Variants in ZNF268 observed in about 807,000 individuals in gnomAD.
ZNF268 encodes zinc finger protein 3.
Under a neutral mutation model 29.3 loss-of-function variants are expected in ZNF268, and 20 were observed. The observed-to-expected ratio is 0.68, with a 90% CI of 0.48 to 0.99. The LOEUF (loss-of-function observed/expected upper bound fraction) is 0.99. Ranked by LOEUF, ZNF268 falls within the 50% of genes least tolerant of loss-of-function variation. The pLI is 0.00. For synonymous variants in ZNF268, 429 were observed against 376.9 expected (o/e 1.14, Z -1.60); for missense variants, 1,240 against 1,121.6 (o/e 1.11, Z -1.51).
In ZNF268 at chr12:133,204,613, C is replaced by A; in HGVS notation, c.*83C>A. The stretch of plus-strand genomic sequence containing the variant: ...AGAGAAACTCTGTAAGTGGAATCAT[C>A]TTGTCATCTTCCAGAAAACTCATAC... On this transcript the variant is annotated 3_prime_UTR_variant, in exon 6 of 6. Transcript: ENST00000536435. 1 of 1,080,258 alleles carries A rather than the reference C, an allele frequency of 9.3e-7. No individual in the cohort carries two copies. Among genetic ancestry groups the A allele is most frequent in the Non-Finnish European group, 1.3e-6 (1 of 783,384 alleles). The allele number at this position is 1,080,258 out of a possible 1,614,324, so 66.9% of individuals were successfully genotyped here. A position where few individuals can be genotyped will look rare whatever the true frequency, so the allele number is the denominator to read the frequency against.
chr12:133,189,993 A>G (rs1429132469), intron 3 of ZNF268, among the ~76,000 whole-genome samples: 2 of 133,302 alleles, frequency 1.5e-5, no homozygotes, highest in African/African-American at 5.9e-5. Context: ...TATTTTTAGT[A>G]GAGACGAAGT....
In ZNF268 at chr12:133,213,930, A is replaced by G. The variant is rs1391848831; in HGVS notation, c.*9400A>G. On this transcript the variant is annotated 3_prime_UTR_variant, in exon 6 of 6. Coordinates refer to ENST00000536435, the MANE Select transcript of ZNF268 (RefSeq NM_003415.3). Reference sequence around the variant, plus strand: ...AGGAGAATGGCGTGAACCTGGAACCAGTGAGCCCAGATCTCACCACTGCAC... The same window carrying G: ...AGGAGAATGGCGTGAACCTGGAACCGGTGAGCCCAGATCTCACCACTGCAC... The G allele has an allele frequency of 6.6e-6, 1 of 152,032 alleles. No individual in the cohort carries two copies. The highest frequency in any genetic ancestry group is 1.5e-5 in the Non-Finnish European group (1 of 68,012). 9.4% of individuals were successfully genotyped at this position (152,032 alleles called of 1,614,324 possible).
At position 133,193,441 on chromosome 12, in the gene ZNF268, A is replaced by G. The variant is rs1456858214; in HGVS notation, c.457+1438A>G. On this transcript the variant is annotated intron_variant, in intron 5 of 5. Transcript: ENST00000536435. ...TATTTCTCACAGTTTTGAAGGCTGG[A>G]AAGTCCAAAGCCAAGGTGCTGGCAG... is the stretch of plus-strand genomic sequence containing the variant. The G allele has an allele frequency of 8.8e-6, 6 of 683,790 alleles. No individual in the cohort carries two copies. The East Asian group carries it at 1.6e-4, about 19-fold the overall frequency. 42.4% of individuals were successfully genotyped at this position (683,790 alleles called of 1,614,324 possible). A position where few individuals can be genotyped will look rare whatever the true frequency, so the allele number is the denominator to read the frequency against.
chr12:133,188,100 TG>T, intron 3 of ZNF268, 28 bp downstream of exon 3: 1 of 1,524,658 alleles, frequency 6.6e-7, no homozygotes, highest in Non-Finnish European at 8.8e-7. Flanking sequence ...TTATTCCTAG[TG>T]TTTTCTTTAT....
rs551233662 is a variant in ZNF268, at chr12:133,205,930, C to T, written c.*1400C>T. The T allele has an allele frequency of 3.3e-5, 5 of 152,244 alleles. No homozygotes were observed. Among genetic ancestry groups the T allele is most frequent in the Non-Finnish European group, 2.9e-5 (2 of 68,004 alleles). The allele number at this position is 152,244 out of a possible 1,614,324, so 9.4% of individuals were successfully genotyped here. ...TTCAAGTTCAGAAAAGCAACATGAG[C>T]TTTTGTTCTGTGGTAGCATGTTGAT... is the stretch of plus-strand genomic sequence containing the variant. On this transcript the variant is annotated 3_prime_UTR_variant, in exon 6 of 6. Coordinates refer to ENST00000536435, the MANE Select transcript of ZNF268 (RefSeq NM_003415.3).
chr12:133,196,694 T>C (rs541360482), intron 5 of ZNF268, among the ~76,000 whole-genome samples: 3 of 152,314 alleles, frequency 2.0e-5, no homozygotes, highest in African/African-American at 7.2e-5. Flanking sequence ...CCTATTTTCA[T>C]TTTGTTGGGG....
In ZNF268 at chr12:133,203,948, C is replaced by T. The variant is rs543567478; in HGVS notation, c.2262C>T (p.Cys754=). The T allele has an allele frequency of 5.6e-6, 9 of 1,594,212 alleles. No homozygotes were observed. The African/African-American group carries it at 1.2e-4, about 21-fold the overall frequency. ...RIHTGENPYE[C]SECGKAFNRK... ...ACACAGGAGAAAATCCCTATGAATG[C>T]AGTGAATGTGGGAAAGCCTTTAATA... The change falls in exon 6 of 6, where the codon TGC becomes TGT. Residue 754 remains cysteine (C), a synonymous_variant. Coordinates refer to ENST00000536435, the MANE Select transcript of ZNF268 (RefSeq NM_003415.3).
Position 133,210,923 on chromosome 12 carries a change from T to A in ZNF268, c.*6393T>A, listed in dbSNP as rs992025066. On this transcript the variant is annotated 3_prime_UTR_variant, in exon 6 of 6. Transcript: ENST00000536435. ...AGGCACAGTGTTGGATGGTCAGTGCTTCCTGTTTTGTGATGGCCATGTGCC... is the reference window on the plus strand; with the variant it reads ...AGGCACAGTGTTGGATGGTCAGTGCATCCTGTTTTGTGATGGCCATGTGCC... 5 of 455,938 alleles carry A rather than the reference T, an allele frequency of 1.1e-5. No individual in the cohort carries two copies. Among genetic ancestry groups the A allele is most frequent in the Admixed American group, 9.4e-5 (4 of 42,560 alleles). The allele number at this position is 455,938 out of a possible 1,614,324, so 28.2% of individuals were successfully genotyped here.
chr12:133,211,166 A>C lies in ZNF268; in HGVS notation c.*6636A>C. ...AATAATTGGAATTTGTAATGAATAA[A>C]ATCATTCAAAAAAATCTGAAAAAGT... On this transcript the variant is annotated 3_prime_UTR_variant, in exon 6 of 6. Coordinates refer to ENST00000536435, the MANE Select transcript of ZNF268 (RefSeq NM_003415.3). 2.8e-6 allele frequency: 1 copy of C among 356,614 alleles called. No homozygotes were observed. Among genetic ancestry groups the C allele is most frequent in the Non-Finnish European group, 5.6e-6 (1 of 179,692 alleles). 22.1% of individuals were successfully genotyped at this position (356,614 alleles called of 1,614,324 possible).
chr12:133,208,243 C>T lies in ZNF268; in HGVS notation c.*3713C>T, dbSNP rs1956934255. 1 of 152,122 alleles carries T rather than the reference C, an allele frequency of 6.6e-6. No homozygotes were observed. The highest frequency in any genetic ancestry group is 2.4e-5 in the African/African-American group (1 of 41,360). The allele number at this position is 152,122 out of a possible 1,614,324, so 9.4% of individuals were successfully genotyped here. A position where few individuals can be genotyped will look rare whatever the true frequency, so the allele number is the denominator to read the frequency against. On this transcript the variant is annotated 3_prime_UTR_variant, in exon 6 of 6. Coordinates refer to ENST00000536435, the MANE Select transcript of ZNF268 (RefSeq NM_003415.3). ...AGGCGCCGTGGCTCATGCCTGTAAT[C>T]CCAGCACTTTGGGAGGCCGAGGTGG...
rs371122493 is a variant in ZNF268 at position 133,191,566 on chromosome 12, C to G, written c.312C>G (p.Cys104Trp). ...EWQLLDPAQK[C>W]LYRSVMLENY... is the part of the protein sequence containing the mutation. ...AGCTGCTAGACCCAGCACAGAAGTG[C>G]CTGTACAGGAGTGTGATGTTGGAGA... The change falls in exon 4 of 6, where the codon TGC becomes TGG. Residue 104 changes from cysteine to tryptophan, a missense_variant. Physicochemically the swap from Cys to Trp is radical, Grantham distance 215. This residue lies in a region of ZNF268 where 1,177 missense variants were observed against 1,039.6 expected (regional missense o/e 1.13). Transcript: ENST00000536435. The G allele has an allele frequency of 6.2e-7, 1 of 1,614,002 alleles. No homozygotes were observed. Among genetic ancestry groups the G allele is most frequent in the Non-Finnish European group, 8.5e-7 (1 of 1,179,974 alleles).
chr12:133,204,683 C>A lies in ZNF268; in HGVS notation c.*153C>A. 1 of 573,312 alleles carries A rather than the reference C, an allele frequency of 1.7e-6. No homozygotes were observed. The highest frequency in any genetic ancestry group is 2.9e-6 in the Non-Finnish European group (1 of 344,134). 35.5% of individuals were successfully genotyped at this position (573,312 alleles called of 1,614,324 possible). A position where few individuals can be genotyped will look rare whatever the true frequency, so the allele number is the denominator to read the frequency against. ...TGCACAGCATATGGAAAGGCATCCA[C>A]AGAAAGCTGTTCTTTACATGCAAAA... On this transcript the variant is annotated 3_prime_UTR_variant, in exon 6 of 6. Coordinates refer to ENST00000536435, the MANE Select transcript of ZNF268 (RefSeq NM_003415.3).
At position 133,204,587 on chromosome 12, in the gene ZNF268, A is replaced by G; in HGVS notation, c.*57A>G. ...CAAGAGATAGAAACAATCATATATA[A>G]AGAGAAACTCTGTAAGTGGAATCAT... On this transcript the variant is annotated 3_prime_UTR_variant, in exon 6 of 6. Transcript: ENST00000536435. 2 of 1,278,624 alleles carry G rather than the reference A, an allele frequency of 1.6e-6. No individual in the cohort carries two copies. The highest frequency in any genetic ancestry group is 1.0e-6 in the Non-Finnish European group (1 of 956,184). 79.2% of individuals were successfully genotyped at this position (1,278,624 alleles called of 1,614,324 possible). A position where few individuals can be genotyped will look rare whatever the true frequency, so the allele number is the denominator to read the frequency against.
rs1593942763 is a variant in ZNF268, at chr12:133,207,461, G to T, written c.*2931G>T. On this transcript the variant is annotated 3_prime_UTR_variant, in exon 6 of 6. Coordinates refer to ENST00000536435, the MANE Select transcript of ZNF268 (RefSeq NM_003415.3). The stretch of plus-strand genomic sequence containing the variant: ...ACTATTAGTGGATCCAGCATCCTTT[G>T]TTCATTACCAGCAGAATCACTATTA... 1 of 152,204 alleles carries T rather than the reference G, an allele frequency of 6.6e-6. No individual in the cohort carries two copies. The highest frequency in any genetic ancestry group is 1.5e-5 in the Non-Finnish European group (1 of 68,048). 9.4% of individuals were successfully genotyped at this position (152,204 alleles called of 1,614,324 possible).
rs373025293 is a variant in ZNF268 at position 133,213,988 on chromosome 12, C to CA, written c.*9470dup. 2.6e-3 allele frequency: 375 copies of CA among 146,380 alleles called. 1 individual carries two copies. Among genetic ancestry groups the CA allele is most frequent in the Non-Finnish European group, 4.3e-3 (284 of 65,998 alleles). The allele number at this position is 146,380 out of a possible 1,614,324, so 9.1% of individuals were successfully genotyped here. On this transcript the variant is annotated 3_prime_UTR_variant, in exon 6 of 6. Transcript: ENST00000536435. ...TGGGCGACAGAGCGAGACTCCGTCT[C>CA]AAAAAAAAAAAAGGTGAATATAGGA...
rs1055681053 is a variant in ZNF268, at chr12:133,214,483, A to G, written c.*9953A>G. The G allele has an allele frequency of 3.9e-5, 6 of 152,278 alleles. No homozygotes were observed. Among genetic ancestry groups the G allele is most frequent in the African/African-American group, 1.2e-4 (5 of 41,456 alleles). The allele number at this position is 152,278 out of a possible 1,614,324, so 9.4% of individuals were successfully genotyped here. On this transcript the variant is annotated 3_prime_UTR_variant, in exon 6 of 6. Transcript: ENST00000536435. ...CTGGGAGTTCAAGTCCAGTCTGGGC[A>G]GCATAGCAAGACTCCATGTCTACAA...
intron 5 of ZNF268, among the ~76,000 whole-genome samples, chr12:133,200,160 C>T (rs1159474120): frequency 6.6e-6 from 1 of 152,152 alleles, no homozygotes; most frequent in Middle Eastern, 3.2e-3. Context: ...CCCTTGTGGG[C>T]ATTTAGTGCT....
rs533955836 is a variant in ZNF268, at chr12:133,202,898, T to C, written c.1212T>C (p.Ile404=). Residue 404 remains isoleucine (I), a synonymous_variant, in exon 6 of 6, where the codon ATT becomes ATC. Transcript: ENST00000536435. Reference sequence around the variant, plus strand: ...CTTTTGGTTTAAAATCACAGCTCATTATACATGAAAGAATTCATACAGGAG... The same window carrying C: ...CTTTTGGTTTAAAATCACAGCTCATCATACATGAAAGAATTCATACAGGAG... ...GKAFGLKSQL[I]IHERIHTGEK... is the part of the protein sequence containing the mutation. The C allele has an allele frequency of 9.8e-5, 152 of 1,550,960 alleles. No individual in the cohort carries two copies. The highest frequency in any genetic ancestry group is 2.5e-4 in the Admixed American group (13 of 51,580).
rs748483570 is a variant in ZNF268 at position 133,203,714 on chromosome 12, C to G, written c.2028C>G (p.Thr676=). ...ATGGATGCAGTCAATGTGCAAAAAC[C>G]TTTAGTTTGAAGTCCCAGCTCATTG... ...KPYGCSQCAK[T]FSLKSQLIVH... The change falls in exon 6 of 6, where the codon ACC becomes ACG. Residue 676 remains threonine, a synonymous_variant. Transcript: ENST00000536435. 38 of 1,547,440 alleles carry G rather than the reference C, an allele frequency of 2.5e-5. No individual in the cohort carries two copies. Among genetic ancestry groups the G allele is most frequent in the Non-Finnish European group, 3.2e-5 (37 of 1,152,442 alleles).
Sources: gnomAD v4.1 joint callset for allele counts (sites outside exome capture counted in the v4.1 genomes callset) on GRCh38, gnomAD v4.1.1 for gene constraint, gnomAD v4.1.1 regional missense constraint, MANE v1.5 for transcripts, NCBI Gene and HGNC (gene_info 2026-07-23, HGNC 2026-07-21) for gene names.